ADCY2: variants seen among roughly 807,000 people sequenced by gnomAD.
ADCY2 encodes the protein adenylate cyclase 2.
A neutral mutation model predicts 125.2 loss-of-function variants in ADCY2; 31 were observed. The ratio of observed to expected loss-of-function variants is 0.25; its 90% CI spans 0.19 to 0.33. The LOEUF is 0.33. ADCY2 is among the 10% of genes least tolerant of loss of function. ADCY2 has a pLI of 1.00. For synonymous variants in ADCY2, 512 were observed against 548.4 expected (o/e 0.93, Z 0.93); for missense variants, 904 against 1,418.2 (o/e 0.64, Z 5.82).
chr5:7,701,658 C>A (rs994993980), intron 7 of ADCY2, among the ~76,000 whole-genome samples: 4 of 152,162 alleles, frequency 2.6e-5, no homozygotes, highest in African/African-American at 9.7e-5. Flanking sequence ...CCAATTACCC[C>A]TTCCCCAGCT....
Position 7,804,642 on chromosome 5 carries a change from T to C in ADCY2, c.2833T>C (p.Tyr945His). ...VEKIKTIGST[Y>H]MAATGLSAVP... ...AAAGATTAAGACCATTGGCAGCACA[T>C]ACATGGCAGCAACAGGTCTGAGCGC... is the stretch of plus-strand genomic sequence containing the variant. The change falls in exon 22 of 25, where the codon TAC (tyrosine) becomes CAC (histidine). Residue 945 changes from tyrosine to histidine, a missense_variant. By Grantham distance (83) the Tyr-to-His change is moderately conservative (BLOSUM62 2). Coordinates refer to ENST00000338316, the MANE Select transcript of ADCY2 (RefSeq NM_020546.3). The C allele has an allele frequency of 6.2e-7, 1 of 1,614,162 alleles. No individual in the cohort carries two copies. The highest frequency in any genetic ancestry group is 1.3e-5 in the African/African-American group (1 of 75,022).
At chr5:7,481,880 C>G (rs922532296) in intron 2 of ADCY2, among the ~76,000 whole-genome samples, 1 of 151,890 alleles carries the variant, frequency 6.6e-6, no homozygotes, top group Non-Finnish European at 1.5e-5. Context: ...ACTCAAGAAA[C>G]CTTTGCACAA....
intron 18 of ADCY2, among the ~76,000 whole-genome samples, chr5:7,783,117 C>T (rs1743968080): frequency 1.3e-5 from 2 of 152,190 alleles, no homozygotes; most frequent in Non-Finnish European, 2.9e-5. Flanking sequence ...TTCCTCATTC[C>T]TGCAGGAATC....
At chr5:7,429,823 C>G (rs1740523845) in intron 2 of ADCY2, among the ~76,000 whole-genome samples, 1 of 152,126 alleles carries the variant, frequency 6.6e-6, no homozygotes, top group Admixed American at 6.5e-5. Context: ...GGACTGAAAT[C>G]AGTAACTTGA....
intron 3 of ADCY2, among the ~76,000 whole-genome samples, chr5:7,573,249 A>G (rs1736120050): frequency 6.6e-6 from 1 of 152,198 alleles, no homozygotes; most frequent in South Asian, 2.1e-4. Context: ...GTTTAATATA[A>G]GTTTTGCCCT....
chr5:7,542,920 T>A (rs1375700848), intron 3 of ADCY2, among the ~76,000 whole-genome samples: 1 of 152,136 alleles, frequency 6.6e-6, no homozygotes, highest in Non-Finnish European at 1.5e-5. Flanking sequence ...TTAAACCATT[T>A]CTCTAGACAA....
At position 7,826,993 on chromosome 5, in the gene ADCY2, A is replaced by T; in HGVS notation, c.*122A>T. 8.0e-7 allele frequency: 1 copy of T among 1,250,112 alleles called. No homozygotes were observed. Among genetic ancestry groups the T allele is most frequent in the Non-Finnish European group, 1.1e-6 (1 of 912,734 alleles). 77.4% of individuals were successfully genotyped at this position (1,250,112 alleles called of 1,614,324 possible). The stretch of plus-strand genomic sequence containing the variant: ...TGTCTGTCCTATGGAGCCTCTGCAG[A>T]CTCGTTCTCGTGACCCAGTGGCATA... On this transcript the variant is annotated 3_prime_UTR_variant, in exon 25 of 25. Coordinates refer to ENST00000338316, the MANE Select transcript of ADCY2 (RefSeq NM_020546.3).
chr5:7,751,530 C>A (rs1457662172), intron 15 of ADCY2, among the ~76,000 whole-genome samples: 2 of 152,110 alleles, frequency 1.3e-5, no homozygotes, highest in African/African-American at 2.4e-5. Context: ...TGGTTTTGAC[C>A]TAATTAACAA....
At chr5:7,627,106 G>A (rs1175285372) in intron 4 of ADCY2, among the ~76,000 whole-genome samples, 1 of 152,078 alleles carries the variant, frequency 6.6e-6, no homozygotes, top group Non-Finnish European at 1.5e-5. Context: ...CCCTCACCGT[G>A]CTGTGCCATC....
intron 1 of ADCY2, among the ~76,000 whole-genome samples, chr5:7,411,893 G>A (rs1422961666): frequency 6.6e-6 from 1 of 152,018 alleles, no homozygotes; most frequent in Non-Finnish European, 1.5e-5. Flanking sequence ...GGCTAAAACG[G>A]TGAAACCCCG....
intron 22 of ADCY2, among the ~76,000 whole-genome samples, chr5:7,810,143 C>T (rs181808560): frequency 2.1e-4 from 32 of 152,252 alleles, no homozygotes; most frequent in African/African-American, 6.3e-4. Flanking sequence ...TTCTCCTTGA[C>T]TTGTAGAGTT....
chr5:7,499,753 A>G (rs988595308), intron 2 of ADCY2, among the ~76,000 whole-genome samples: 4 of 148,554 alleles, frequency 2.7e-5, no homozygotes, highest in African/African-American at 9.8e-5. Context: ...AATACAAAAT[A>G]TATATTCTAG....
In ADCY2 at chr5:7,494,507, A is replaced by G. The variant is rs138329169; in HGVS notation, c.409-26231A>G. The stretch of plus-strand genomic sequence containing the variant: ...CTTGTAGTATTTTCCCTGTTATTCA[A>G]AACTGAGCTGGGTACTTCTTACATG... On this transcript the variant is annotated intron_variant, in intron 2 of 24. Coordinates refer to ENST00000338316, the MANE Select transcript of ADCY2 (RefSeq NM_020546.3). 2.4e-3 allele frequency among the ~76,000 whole-genome samples: 367 copies of G among 152,170 alleles called. 3 individuals carry two copies. The highest frequency in any genetic ancestry group is 8.6e-3 in the African/African-American group (357 of 41,528).
At chr5:7,403,379 G>A (rs1470453056) in intron 1 of ADCY2, among the ~76,000 whole-genome samples, 5 of 152,090 alleles carry the variant, frequency 3.3e-5, no homozygotes, top group African/African-American at 4.8e-5. Flanking sequence ...TCAACCTAAT[G>A]TCTGACTCTT....
intron 4 of ADCY2, among the ~76,000 whole-genome samples, chr5:7,673,189 G>T (rs114704464): frequency 0.021 from 2,757 of 132,708 alleles, 101 homozygotes; most frequent in African/African-American, 0.075. Context: ...GATCACTTGA[G>T]CTCAGGACTA....
chr5:7,576,279 C>T (rs1411002968), intron 3 of ADCY2, among the ~76,000 whole-genome samples: 3 of 152,172 alleles, frequency 2.0e-5, no homozygotes, highest in East Asian at 3.9e-4. Context: ...GTTTATGACT[C>T]CTTGGGGGAG....
At chr5:7,618,726 T>G (rs1427632615) in intron 3 of ADCY2, among the ~76,000 whole-genome samples, 1 of 152,238 alleles carries the variant, frequency 6.6e-6, no homozygotes. Context: ...TCTGTCTAAA[T>G]TAATGAAAAG....
chr5:7,490,791 A>G (rs1335032335), intron 2 of ADCY2, among the ~76,000 whole-genome samples: 7 of 152,270 alleles, frequency 4.6e-5, no homozygotes, highest in East Asian at 1.9e-4. Flanking sequence ...TCCAAAGACC[A>G]CCTGAACAGA....
At chr5:7,472,275 T>C (rs1579477917) in intron 2 of ADCY2, among the ~76,000 whole-genome samples, 1 of 152,178 alleles carries the variant, frequency 6.6e-6, no homozygotes. Context: ...TTGATTTCAC[T>C]GATTCGTATC....
Sources: gnomAD v4.1 joint callset for allele counts (sites outside exome capture counted in the v4.1 genomes callset) on GRCh38, gnomAD v4.1.1 for gene constraint, MANE v1.5 for transcripts, NCBI Gene and HGNC (gene_info 2026-07-23, HGNC 2026-07-21) for gene names.